The following WDR7 variants were observed in gnomAD, a reference collection of about 807,000 sequenced individuals.
WDR7 encodes the protein WD repeat domain 7, also known as WD repeat-containing protein 7.
WDR7 carries 46 observed loss-of-function variants against 169.4 expected under a neutral mutation model. The observed-to-expected ratio is 0.27, with a 90% CI of 0.21 to 0.35. WDR7 has a LOEUF of 0.35. WDR7 is among the 10% of genes least tolerant of loss of function. WDR7 has a pLI of 1.00. For missense variants in WDR7, 1,534 were observed against 1,859.3 expected, an observed-to-expected ratio of 0.83 and a Z score of 3.22; for synonymous variants, 612 against 666.8, an observed-to-expected ratio of 0.92 and a Z score of 1.27.
chr18:56,694,554 C>T, intron 9 of WDR7, 65 bp from the exon 10 acceptor site: 2 of 1,493,994 alleles, frequency 1.3e-6, no homozygotes, highest in Non-Finnish European at 1.8e-6. Flanking sequence ...GTTTGAAAAG[C>T]ATTAATGTGT....
chr18:56,719,871 G>A (rs890391006), intron 13 of WDR7, among the ~76,000 whole-genome samples: 8 of 152,124 alleles, frequency 5.3e-5, no homozygotes, highest in Non-Finnish European at 1.5e-5. Flanking sequence ...ATTTCTGAGA[G>A]AATAAAATGA....
rs72917381 is a variant in WDR7, at chr18:56,878,992, C to T, written c.3305-952C>T. 5.9e-3 allele frequency among the ~76,000 whole-genome samples: 892 copies of T among 152,250 alleles called. 1 individual carries two copies. Among genetic ancestry groups the T allele is most frequent in the Non-Finnish European group, 7.2e-3 (490 of 68,012 alleles). On this transcript the variant is annotated intron_variant, in intron 20 of 27. Transcript: ENST00000254442. ...CCACTGAAAGTAATGGCAAATACTG[C>T]GATTACTTTTGCACCAACCTAATAC...
chr18:56,950,755 T>C (rs2047169717), intron 25 of WDR7, among the ~76,000 whole-genome samples: 1 of 152,186 alleles, frequency 6.6e-6, no homozygotes, highest in Non-Finnish European at 1.5e-5. Flanking sequence ...CCATTAACTT[T>C]TCTTGGGATT....
chr18:56,673,160 G>GACACACACAC (rs36051303), intron 2 of WDR7, among the ~76,000 whole-genome samples: 4,406 of 146,976 alleles, frequency 0.03, 208 homozygotes, highest in African/African-American at 0.1. Flanking sequence ...AGGAGCTGGG[G>GACACACACAC]ACACACACAC....
chr18:56,991,111 A>C (rs2957103), intron 26 of WDR7, among the ~76,000 whole-genome samples: 86,202 of 148,876 alleles, frequency 0.58, 25,270 homozygotes, highest in Middle Eastern at 0.72. Context: ...AGATAGCACC[A>C]CCTCTTACTA....
Position 56,776,859 on chromosome 18 carries a change from A to G in WDR7, c.2926A>G (p.Thr976Ala). Residue 976 changes from threonine (T) to alanine (A), a missense_variant, in exon 17 of 28, where the codon ACC (threonine) becomes GCC (alanine). By Grantham distance (58) the Thr-to-Ala change is moderately conservative. Coordinates refer to ENST00000254442, the MANE Select transcript of WDR7 (RefSeq NM_015285.3). ...CCCTCCTTCTGCTCCTGCTTTACAT[A>G]CCTGTTTCTTAGTAAATGAAGGTAT... ...SDPPSAPALH[T>A]CFLVNEGWSQ... 6.2e-7 allele frequency: 1 copy of G among 1,613,774 alleles called. No individual in the cohort carries two copies. Among genetic ancestry groups the G allele is most frequent in the Non-Finnish European group, 8.5e-7 (1 of 1,179,828 alleles).
At position 57,027,242 on chromosome 18, in the gene WDR7, C is replaced by A; in HGVS notation, c.*35C>A. 6.3e-7 allele frequency: 1 copy of A among 1,575,652 alleles called. No homozygotes were observed. Among genetic ancestry groups the A allele is most frequent in the South Asian group, 1.1e-5 (1 of 86,962 alleles). ...CTGCCGCCGTGACTGCGTTTTAGTT[C>A]TCTAAATTATCCAAGCCGATGTTGC... On this transcript the variant is annotated 3_prime_UTR_variant, in exon 28 of 28. Transcript: ENST00000254442.
intron 26 of WDR7, among the ~76,000 whole-genome samples, chr18:57,004,249 T>C (rs1268066918): frequency 1.3e-5 from 2 of 152,056 alleles, no homozygotes; most frequent in Admixed American, 6.6e-5. Flanking sequence ...CCCTCTGACA[T>C]CCCACACATA....
chr18:56,826,442 A>G (rs1044230962), intron 20 of WDR7, among the ~76,000 whole-genome samples: 16 of 152,216 alleles, frequency 1.1e-4, no homozygotes, highest in African/African-American at 3.1e-4. Flanking sequence ...ATACACAAAA[A>G]GATAATTAAA....
intron 26 of WDR7, among the ~76,000 whole-genome samples, chr18:57,004,730 A>G (rs112921814): frequency 8.5e-5 from 13 of 152,326 alleles, no homozygotes; most frequent in South Asian, 4.1e-4. Context: ...AAGTTATATT[A>G]GTTATCAATA....
intron 26 of WDR7, among the ~76,000 whole-genome samples, chr18:56,982,018 C>T (rs193274818): frequency 2.3e-3 from 347 of 152,044 alleles, no homozygotes; most frequent in African/African-American, 7.8e-3. Context: ...AAAAATACTC[C>T]GCACATTGTA....
rs539221558 is a variant in WDR7 at position 56,934,574 on chromosome 18, A to G, written c.3714-1214A>G. Among the ~76,000 whole-genome samples, 128 of 152,288 alleles carry G rather than the reference A, an allele frequency of 8.4e-4. 1 individual carries two copies. In the Middle Eastern group the frequency reaches 0.017, roughly 20 times the overall value. ...CTCTACCCTCCGTATGGGAAAAAGA[A>G]GAGAGACAGTTATACTATCAGTCAG... On this transcript the variant is annotated intron_variant, in intron 22 of 27. Transcript: ENST00000254442.
intron 21 of WDR7, among the ~76,000 whole-genome samples, chr18:56,910,743 A>G (rs1318941470): frequency 6.6e-6 from 1 of 152,168 alleles, no homozygotes; most frequent in Non-Finnish European, 1.5e-5. Flanking sequence ...AAATGAATGT[A>G]AATTATCTAA....
chr18:56,771,169 G>T (rs1328240485), intron 16 of WDR7, among the ~76,000 whole-genome samples: 1 of 152,118 alleles, frequency 6.6e-6, no homozygotes, highest in Non-Finnish European at 1.5e-5. Flanking sequence ...TTAACATTGT[G>T]TAAGTAGCAT....
intron 26 of WDR7, among the ~76,000 whole-genome samples, chr18:56,988,737 C>A (rs2047765582): frequency 2.6e-5 from 4 of 151,148 alleles, no homozygotes; most frequent in Admixed American, 2.6e-4. Context: ...TGCTTTAATT[C>A]AAAAAAAGTT....
chr18:56,708,157 C>A (rs575730716), intron 12 of WDR7, among the ~76,000 whole-genome samples: 8 of 151,832 alleles, frequency 5.3e-5, no homozygotes, highest in African/African-American at 1.9e-4. Flanking sequence ...CCTCAGCCTC[C>A]TGAGTAGCTG....
At position 57,001,047 on chromosome 18, in the gene WDR7, AAGAGAGAGAGAGAG is replaced by A. The variant is rs10536689; in HGVS notation, c.4165-19670_4165-19657del. Among the ~76,000 whole-genome samples, 255 of 129,494 alleles carry A rather than the reference AAGAGAGAGAGAGAG, an allele frequency of 2.0e-3. 2 individuals are homozygous for A. Among genetic ancestry groups the A allele is most frequent in the Middle Eastern group, 8.8e-3 (2 of 226 alleles). The allele number at this position is 129,494 out of a possible 152,430, so 85.0% of individuals were successfully genotyped here. The stretch of plus-strand genomic sequence containing the variant: ...AAACCATGAGACCCCATCTCTACAA[AAGAGAGAGAGAGAG>A]AGAGAGAGAGAGAGAGAGAGAGAGA... On this transcript the variant is annotated intron_variant, in intron 26 of 27. Transcript: ENST00000254442.
intron 20 of WDR7, among the ~76,000 whole-genome samples, chr18:56,854,209 G>T (rs567282053): frequency 6.6e-6 from 1 of 152,344 alleles, no homozygotes; most frequent in Admixed American, 6.5e-5. Context: ...CACACTGTCT[G>T]CCGGGACACA....
At chr18:56,721,624 G>A (rs2026323715) in intron 13 of WDR7, 1 of 152,202 alleles carries the variant, frequency 6.6e-6, no homozygotes, top group Admixed American at 6.5e-5. Flanking sequence ...AGCTGTTGAT[G>A]TGCTTCTGGG....
Sources: gnomAD v4.1 joint callset for allele counts (sites outside exome capture counted in the v4.1 genomes callset) on GRCh38, gnomAD v4.1.1 for gene constraint, MANE v1.5 for transcripts, NCBI Gene and HGNC (gene_info 2026-07-23, HGNC 2026-07-21) for gene names.